Variants in DCUN1D2 observed in about 807,000 individuals in gnomAD.
The protein encoded by DCUN1D2 is DCN1-like protein 2.
DCUN1D2 carries 29 observed loss-of-function variants against 30.9 expected under a neutral mutation model. The ratio of observed to expected loss-of-function variants is 0.94; its 90% CI spans 0.70 to 1.28. DCUN1D2 has a LOEUF of 1.28. Ranked by LOEUF, DCUN1D2 falls within the 50% of genes most tolerant of loss-of-function variation. The pLI is 0.00. For synonymous variants in DCUN1D2, 121 were observed against 115.3 expected, an observed-to-expected ratio of 1.05 and a Z score of -0.32; for missense variants, 325 against 316.9, an observed-to-expected ratio of 1.03 and a Z score of -0.19.
chr13:113,456,316 C>T lies in DCUN1D2; in HGVS notation c.*1713G>A. 2.5e-6 allele frequency: 1 copy of T among 398,754 alleles called. No individual in the cohort carries two copies. The allele number at this position is 398,754 out of a possible 1,614,324, so 24.7% of individuals were successfully genotyped here. A position where few individuals can be genotyped will look rare whatever the true frequency, so the allele number is the denominator to read the frequency against. Reference sequence around the variant, plus strand: ...CAGGTCCCTTCCAGTCCTGTCCCTGCTGCCCTCTGTGACCATCTCTGCTAA... The same window carrying T: ...CAGGTCCCTTCCAGTCCTGTCCCTGTTGCCCTCTGTGACCATCTCTGCTAA... On this transcript the variant is annotated 3_prime_UTR_variant, in exon 7 of 7. Transcript: ENST00000478244.
chr13:113,468,501 C>T (rs529136968), intron 4 of DCUN1D2, among the ~76,000 whole-genome samples: 4 of 152,288 alleles, frequency 2.6e-5, no homozygotes, highest in East Asian at 3.9e-4. Context: ...GCTATTGAAC[C>T]GTACACTTAA....
At chr13:113,470,611 A>G in intron 4 of DCUN1D2, among the ~76,000 whole-genome samples, 1 of 151,386 alleles carries the variant, frequency 6.6e-6, no homozygotes, top group Non-Finnish European at 1.5e-5. Flanking sequence ...CCAACTCCAC[A>G]AGGGACCCAA....
rs560980494 is a variant in DCUN1D2 at position 113,474,827 on chromosome 13, G to T, written c.390-573C>A. On this transcript the variant is annotated intron_variant, in intron 3 of 6. Coordinates refer to ENST00000478244, the MANE Select transcript of DCUN1D2 (RefSeq NM_001014283.2). ...GTTACCTCTGTCCCATCATACAAGC[G>T]AAAAACAAACTCATATAAACTTAAG... 1.7e-4 allele frequency among the ~76,000 whole-genome samples: 26 copies of T among 152,266 alleles called. 1 individual carries two copies. In the South Asian group the frequency reaches 3.7e-3, roughly 22 times the overall value.
intron 4 of DCUN1D2, chr13:113,462,680 GAA>G (rs1018674133): frequency 1.1e-6 from 1 of 905,288 alleles, no homozygotes. Flanking sequence ...GAATCAGAAA[GAA>G]AGAGAGAGTC....
At chr13:113,458,711 A>G (rs1346892670) in intron 6 of DCUN1D2, among the ~76,000 whole-genome samples, 1 of 152,214 alleles carries the variant, frequency 6.6e-6, no homozygotes, top group Admixed American at 6.5e-5. Context: ...AGGCAGACAG[A>G]CACGTAAACC....
At chr13:113,489,317 G>T in intron 1 of DCUN1D2, 1 of 198,926 alleles carries the variant, frequency 5.0e-6, no homozygotes, top group Non-Finnish European at 9.0e-6. Flanking sequence ...CCTCCTAAAA[G>T]CTGGAGCAAG....
chr13:113,470,965 C>CACAGGGGACCCAACTCT (rs1340837556), intron 4 of DCUN1D2, among the ~76,000 whole-genome samples: 1 of 148,016 alleles, frequency 6.8e-6, no homozygotes, highest in Non-Finnish European at 1.5e-5. Context: ...GACCCAACTC[C>CACAGGGGACCCAACTCT]ACAGGGGACC....
intron 3 of DCUN1D2, among the ~76,000 whole-genome samples, chr13:113,476,782 C>T (rs1229351884): frequency 6.6e-6 from 1 of 151,176 alleles, no homozygotes; most frequent in East Asian, 1.9e-4. Context: ...TTGCTTTTGC[C>T]TTTCAAACTG....
At chr13:113,463,529 T>C (rs1173214844) in intron 4 of DCUN1D2, among the ~76,000 whole-genome samples, 1 of 139,916 alleles carries the variant, frequency 7.1e-6, no homozygotes, top group East Asian at 2.0e-4. Flanking sequence ...CTCACCTCTT[T>C]AAAAAAAAAA....
intron 4 of DCUN1D2, among the ~76,000 whole-genome samples, chr13:113,467,772 G>A (rs139203923): frequency 0.023 from 3,435 of 152,204 alleles, 56 homozygotes; most frequent in Middle Eastern, 0.065. Context: ...GGCCGGGCGC[G>A]GTGGCTCATG....
At chr13:113,466,951 C>T (rs1026623172) in intron 4 of DCUN1D2, among the ~76,000 whole-genome samples, 18 of 152,084 alleles carry the variant, frequency 1.2e-4, no homozygotes, top group African/African-American at 1.4e-4. Context: ...GGACTACAGG[C>T]GCCCGCCACC....
chr13:113,466,927 C>G (rs1317119228), intron 4 of DCUN1D2, among the ~76,000 whole-genome samples: 6 of 151,818 alleles, frequency 4.0e-5, no homozygotes, highest in Non-Finnish European at 8.8e-5. Context: ...CTGCCTCAGC[C>G]TCCTGAGTAG....
At chr13:113,487,071 G>T (rs915428156) in intron 1 of DCUN1D2, among the ~76,000 whole-genome samples, 2 of 152,284 alleles carry the variant, frequency 1.3e-5, no homozygotes, top group Admixed American at 1.3e-4. Context: ...AAAAATTCAA[G>T]GTTGTATTCT....
At chr13:113,490,748 G>T (rs2044961135), upstream of DCUN1D2, 5 of 1,151,902 alleles carry the variant, frequency 4.3e-6, no homozygotes, top group South Asian at 4.0e-5. This position sits in a 1 kb window ranked among gnomAD's most constrained non-coding sequence, Gnocchi z 5.2. Flanking sequence ...GTCCTCGGAC[G>T]GCCGCGGCCC....
At chr13:113,482,006 T>C (rs910297577) in intron 2 of DCUN1D2, among the ~76,000 whole-genome samples, 11 of 152,228 alleles carry the variant, frequency 7.2e-5, no homozygotes, top group Non-Finnish European at 1.3e-4. Context: ...TCCCCACTTA[T>C]CACCTTATTC....
rs2044312104 is a variant in DCUN1D2 at position 113,461,151 on chromosome 13, G to A, written c.521-15C>T. 1 of 1,543,716 alleles carries A rather than the reference G, an allele frequency of 6.5e-7. No homozygotes were observed. The highest frequency in any genetic ancestry group is 8.9e-7 in the Non-Finnish European group (1 of 1,121,124). On this transcript the variant is annotated splice_polypyrimidine_tract_variant and intron_variant, in intron 4 of 6. Coordinates refer to ENST00000478244, the MANE Select transcript of DCUN1D2 (RefSeq NM_001014283.2). ...CATTTCTAAGTCTGGTAAAAAGAAA[G>A]AAAGAGCAGTTAGTAAATCTCACTC...
chr13:113,469,144 G>GCACACACA lies in DCUN1D2; in HGVS notation c.520+4972_520+4979dup, dbSNP rs151101835. Among the ~76,000 whole-genome samples, 203 of 148,156 alleles carry GCACACACA rather than the reference G, an allele frequency of 1.4e-3. 1 individual carries two copies. The East Asian group carries it at 0.015, about 11-fold the overall frequency. On this transcript the variant is annotated intron_variant, in intron 4 of 6. Coordinates refer to ENST00000478244, the MANE Select transcript of DCUN1D2 (RefSeq NM_001014283.2). Reference sequence around the variant, plus strand: ...CGACATTTCTGTCTACTACACGCCTGCACACACACACACACACACACACAC... The same window carrying GCACACACA: ...CGACATTTCTGTCTACTACACGCCTGCACACACACACACACACACACACACACACACAC...
chr13:113,489,188 A>G (rs933047423), intron 1 of DCUN1D2: 6 of 976,530 alleles, frequency 6.1e-6, no homozygotes, highest in Non-Finnish European at 7.3e-6. Context: ...AGGGAGGGGG[A>G]GTTAAATTCA....
chr13:113,481,612 G>A (rs2044708749), intron 2 of DCUN1D2, among the ~76,000 whole-genome samples: 2 of 152,160 alleles, frequency 1.3e-5, no homozygotes, highest in South Asian at 2.1e-4. Flanking sequence ...GGCTGGGCAC[G>A]GTGGCTCACG....
Sources: gnomAD v4.1 joint callset for allele counts (sites outside exome capture counted in the v4.1 genomes callset) on GRCh38, gnomAD v4.1.1 for gene constraint, Gnocchi (gnomAD v3.1) non-coding constraint, MANE v1.5 for transcripts, NCBI Gene and HGNC (gene_info 2026-07-23, HGNC 2026-07-21) for gene names.